Variants in B3GALT1 observed in about 807,000 individuals in gnomAD.
B3GALT1 encodes the protein UDP-Gal:betaGlcNAc beta 1,3-galactosyltransferase, polypeptide 1.
Under a neutral mutation model 23.2 loss-of-function variants are expected in B3GALT1, and 10 were observed. The observed-to-expected ratio is 0.43, with a 90% confidence interval of 0.27 to 0.73. The LOEUF (loss-of-function observed/expected upper bound fraction) is 0.73. Among genes scored for constraint, B3GALT1 ranks in the 30% least tolerant of loss-of-function variants. The pLI is 0.21. For missense variants in B3GALT1, 299 were observed against 405.4 expected, an observed-to-expected ratio of 0.74 and a Z score of 2.25; for synonymous variants, 156 against 141.5, an observed-to-expected ratio of 1.10 and a Z score of -0.73.
chr2:167,333,300 T>C (rs1447411536), intron 1 of B3GALT1, among the ~76,000 whole-genome samples: 1 of 152,226 alleles, frequency 6.6e-6, no homozygotes, highest in African/African-American at 2.4e-5. Flanking sequence ...CCTAGTTTAC[T>C]TCATGGAGCC....
intron 3 of B3GALT1, among the ~76,000 whole-genome samples, chr2:167,654,977 C>T (rs1229217449): frequency 6.6e-6 from 1 of 151,836 alleles, no homozygotes; most frequent in African/African-American, 2.4e-5. Context: ...GAAAAAATTC[C>T]ATGAATAAAA....
intron 3 of B3GALT1, among the ~76,000 whole-genome samples, chr2:167,756,098 C>A (rs1479749748): frequency 1.3e-5 from 2 of 152,106 alleles, no homozygotes; most frequent in Non-Finnish European, 2.9e-5. Flanking sequence ...TATTCAGATT[C>A]TTTTGAGGAA....
At chr2:167,534,285 A>G (rs937441759) in intron 2 of B3GALT1, among the ~76,000 whole-genome samples, 4 of 151,922 alleles carry the variant, frequency 2.6e-5, no homozygotes, top group African/African-American at 4.8e-5. Context: ...TGTCATCTAC[A>G]TCTCGTAACT....
rs554592548 is a variant in B3GALT1, at chr2:167,864,028, A to T, written c.-229-4783A>T. Among the ~76,000 whole-genome samples the T allele has an allele frequency of 4.0e-5, 5 of 125,530 alleles. No individual in the cohort carries two copies. The Admixed American group carries it at 4.1e-4, about 10-fold the overall frequency. The allele number at this position is 125,530 out of a possible 152,430, so 82.4% of individuals were successfully genotyped here. ...TGTGTGTGTGTGTGTGTGTGTGTGTATGTTTCAGGTCTTCATAGAAAAGAA... is the reference window on the plus strand; with the variant it reads ...TGTGTGTGTGTGTGTGTGTGTGTGTTTGTTTCAGGTCTTCATAGAAAAGAA... On this transcript the variant is annotated intron_variant, in intron 4 of 4. Coordinates refer to ENST00000392690, the MANE Select transcript of B3GALT1 (RefSeq NM_020981.4).
At chr2:167,823,955 C>T (rs1689161838) in intron 4 of B3GALT1, among the ~76,000 whole-genome samples, 1 of 152,120 alleles carries the variant, frequency 6.6e-6, no homozygotes, top group South Asian at 2.1e-4. Flanking sequence ...TTATTATTTG[C>T]TTTGATTTAG....
At chr2:167,676,650 C>T (rs1686432571) in intron 3 of B3GALT1, among the ~76,000 whole-genome samples, 1 of 152,048 alleles carries the variant, frequency 6.6e-6, no homozygotes, top group Non-Finnish European at 1.5e-5. Context: ...CAACCTCTGC[C>T]TCCTGGATTC....
At position 167,581,529 on chromosome 2, in the gene B3GALT1, C is replaced by T. The variant is rs1684483079; in HGVS notation, c.-409-65380C>T. On this transcript the variant is annotated intron_variant, in intron 2 of 4. Coordinates refer to ENST00000392690, the MANE Select transcript of B3GALT1 (RefSeq NM_020981.4). ...TGCTGGGTTGCCTGTTGCTTTAAAA[C>T]ACTTCTTAAACGGATATATCTGGAC... 2.0e-5 allele frequency among the ~76,000 whole-genome samples: 3 copies of T among 152,286 alleles called. No individual in the cohort carries two copies. In the South Asian group the frequency reaches 6.2e-4, roughly 32 times the overall value.
intron 4 of B3GALT1, among the ~76,000 whole-genome samples, chr2:167,821,918 G>A (rs1024582081): frequency 6.6e-6 from 1 of 152,164 alleles, no homozygotes; most frequent in Non-Finnish European, 1.5e-5. Context: ...TAAAGAAAAG[G>A]AAAGTTGGGA....
At chr2:167,381,498 G>C (rs143048672) in intron 1 of B3GALT1, among the ~76,000 whole-genome samples, 433 of 152,296 alleles carry the variant, frequency 2.8e-3, no homozygotes, top group African/African-American at 9.7e-3. Context: ...CTAAAGCTCA[G>C]CCTCCATCAC....
At chr2:167,315,780 G>A (rs192923182) in intron 1 of B3GALT1, among the ~76,000 whole-genome samples, 4 of 152,248 alleles carry the variant, frequency 2.6e-5, no homozygotes, top group Admixed American at 2.6e-4. Flanking sequence ...TTTATGCTGG[G>A]AGAGCTTTTG....
chr2:167,490,392 T>G (rs1247050210), intron 2 of B3GALT1, 115 bp downstream of exon 2: 2 of 152,256 alleles, frequency 1.3e-5, no homozygotes, highest in African/African-American at 4.8e-5. Flanking sequence ...CTTATAGCTT[T>G]GTAGTATTTC....
intron 3 of B3GALT1, among the ~76,000 whole-genome samples, chr2:167,760,276 T>C (rs1437880416): frequency 6.6e-6 from 1 of 152,234 alleles, no homozygotes; most frequent in Non-Finnish European, 1.5e-5. Flanking sequence ...CCTGAAATTT[T>C]CATAATAAAT....
chr2:167,715,059 T>C (rs1687122263), intron 3 of B3GALT1: 3 of 1,611,958 alleles, frequency 1.9e-6, no homozygotes, highest in Non-Finnish European at 2.5e-6. Flanking sequence ...TGAATAATAA[T>C]GTGGTTTCTT....
chr2:167,826,359 G>T (rs1689225594), intron 4 of B3GALT1, among the ~76,000 whole-genome samples: 1 of 152,180 alleles, frequency 6.6e-6, no homozygotes, highest in Non-Finnish European at 1.5e-5. Context: ...GTGTCATTTG[G>T]TCCCTGATCT....
chr2:167,454,189 A>G (rs995584283), intron 1 of B3GALT1, among the ~76,000 whole-genome samples: 2 of 149,428 alleles, frequency 1.3e-5, no homozygotes, highest in Non-Finnish European at 3.0e-5. Context: ...TGTAGGTATA[A>G]CAGGAAAGTG....
chr2:167,457,495 G>A lies in B3GALT1; in HGVS notation c.-510-32682G>A, dbSNP rs554378529. 8.6e-5 allele frequency among the ~76,000 whole-genome samples: 13 copies of A among 151,898 alleles called. No individual in the cohort carries two copies. The South Asian group carries it at 2.7e-3, about 32-fold the overall frequency. On this transcript the variant is annotated intron_variant, in intron 1 of 4. Transcript: ENST00000392690. The stretch of plus-strand genomic sequence containing the variant: ...GCCTTCATCAGCTTCTTTACAGAAT[G>A]GCCATTGTACTCCTTGTTTTATATT...
At chr2:167,299,381 G>A (rs1696410269) in intron 1 of B3GALT1, among the ~76,000 whole-genome samples, 1 of 152,170 alleles carries the variant, frequency 6.6e-6, no homozygotes, top group Non-Finnish European at 1.5e-5. Flanking sequence ...TGAACTAATA[G>A]TTAGGCCTCC....
At chr2:167,812,344 G>GTT (rs1688906672) in intron 3 of B3GALT1, among the ~76,000 whole-genome samples, 1 of 152,176 alleles carries the variant, frequency 6.6e-6, no homozygotes, top group Non-Finnish European at 1.5e-5. Context: ...TTAAGAACTA[G>GTT]TTTCTTCCAT....
chr2:167,799,942 T>C (rs1314590468), intron 3 of B3GALT1, among the ~76,000 whole-genome samples: 1 of 152,196 alleles, frequency 6.6e-6, no homozygotes, highest in Non-Finnish European at 1.5e-5. Context: ...GTTCTATTAA[T>C]GCAATGTGTA....
Sources: gnomAD v4.1 joint callset for allele counts (sites outside exome capture counted in the v4.1 genomes callset) on GRCh38, gnomAD v4.1.1 for gene constraint, MANE v1.5 for transcripts, NCBI Gene and HGNC (gene_info 2026-07-23, HGNC 2026-07-21) for gene names.